The following PRKG1 variants were observed in gnomAD, a reference collection of about 807,000 sequenced individuals.
PRKG1 encodes protein kinase cGMP-dependent 1.
PRKG1 carries 35 observed loss-of-function variants against 88.1 expected under a neutral mutation model. The observed-to-expected ratio is 0.40, with a 90% CI of 0.30 to 0.53. The LOEUF (loss-of-function observed/expected upper bound fraction) is 0.53, where lower values mean the gene tolerates loss of function less well. Among genes scored for constraint, PRKG1 ranks in the 20% least tolerant of loss-of-function variants. The pLI, the probability that PRKG1 is intolerant of heterozygous loss-of-function variation, is 0.59. For synonymous variants in PRKG1, 303 were observed against 292.5 expected (o/e 1.04, Z -0.37); for missense variants, 540 against 839.8 (o/e 0.64, Z 4.41).
chr10:51,610,542 G>T (rs1838879613), intron 3 of PRKG1, among the ~76,000 whole-genome samples: 1 of 151,802 alleles, frequency 6.6e-6, no homozygotes, highest in Non-Finnish European at 1.5e-5. Flanking sequence ...TTCATTTGTT[G>T]ATAGACACTT....
chr10:51,995,190 T>G (rs897639253), intron 5 of PRKG1, among the ~76,000 whole-genome samples: 4 of 152,134 alleles, frequency 2.6e-5, no homozygotes, highest in African/African-American at 4.8e-5. Context: ...ACAAAGCATT[T>G]TAGCAACTTT....
rs191299481 is a variant in PRKG1 at position 51,996,866 on chromosome 10, A to C, written c.763-57618A>C. Among the ~76,000 whole-genome samples the C allele has an allele frequency of 3.1e-3, 474 of 152,338 alleles. 5 individuals carry two copies. The highest frequency in any genetic ancestry group is 0.011 in the African/African-American group (452 of 41,588). On this transcript the variant is annotated intron_variant, in intron 5 of 17. Transcript: ENST00000373980. ...CATTGTGGCATAATTCATAATAGCC[A>C]AGATATAGAATCAACCTGAATGTTC...
chr10:51,731,877 T>C (rs1052089366), intron 3 of PRKG1, among the ~76,000 whole-genome samples: 1 of 150,380 alleles, frequency 6.6e-6, no homozygotes, highest in Admixed American at 6.6e-5. Flanking sequence ...GATTGGTTTC[T>C]TCTGAGGCCT....
At chr10:51,480,239 T>C (rs1368930129) in intron 3 of PRKG1, among the ~76,000 whole-genome samples, 2 of 152,108 alleles carry the variant, frequency 1.3e-5, no homozygotes, top group Admixed American at 1.3e-4. Flanking sequence ...CCAGGAAAGT[T>C]TTCAAATTTT....
intron 2 of PRKG1, among the ~76,000 whole-genome samples, chr10:51,186,714 T>C (rs74133517): frequency 0.053 from 7,995 of 151,674 alleles, 395 homozygotes; most frequent in African/African-American, 0.13. Flanking sequence ...CTACGGTCAA[T>C]TATATTATTT....
At chr10:52,223,878 C>T (rs1840314256) in intron 9 of PRKG1, among the ~76,000 whole-genome samples, 1 of 152,120 alleles carries the variant, frequency 6.6e-6, no homozygotes, top group Non-Finnish European at 1.5e-5. Context: ...CAGCAAATCA[C>T]ATTAATTCTA....
At chr10:52,180,794 C>T (rs1013913071) in intron 9 of PRKG1, among the ~76,000 whole-genome samples, 8 of 152,054 alleles carry the variant, frequency 5.3e-5, no homozygotes, top group Non-Finnish European at 8.8e-5. Flanking sequence ...ATTTGAGGTC[C>T]GGCTCACAGG....
At chr10:51,060,830 A>G (rs1843683686) in intron 1 of PRKG1, among the ~76,000 whole-genome samples, 1 of 152,122 alleles carries the variant, frequency 6.6e-6, no homozygotes, top group South Asian at 2.1e-4. Flanking sequence ...CTGAAAGTAT[A>G]CCTATTTACC....
chr10:52,177,221 G>T (rs1838890149), intron 9 of PRKG1, among the ~76,000 whole-genome samples: 2 of 151,994 alleles, frequency 1.3e-5, no homozygotes, highest in Non-Finnish European at 2.9e-5. Flanking sequence ...ATTATGAAGG[G>T]ATGTTGAATT....
chr10:52,104,795 G>A (rs573084727), intron 7 of PRKG1, among the ~76,000 whole-genome samples: 131 of 152,112 alleles, frequency 8.6e-4, no homozygotes, highest in Admixed American at 2.8e-3. Context: ...TCAGTGGCAC[G>A]TAACCTGATA....
chr10:51,698,899 A>C (rs764007054), intron 3 of PRKG1: 19 of 1,611,922 alleles, frequency 1.2e-5, no homozygotes, highest in South Asian at 7.7e-5. Flanking sequence ...GCCCAGGGCC[A>C]GGGCCAGGGC....
At chr10:51,831,786 C>A (rs1051435806) in intron 4 of PRKG1, among the ~76,000 whole-genome samples, 36 of 152,052 alleles carry the variant, frequency 2.4e-4, no homozygotes, top group African/African-American at 8.7e-4. Context: ...CATGCTTCTT[C>A]CATATACATT....
chr10:52,058,783 A>G (rs1846169067), intron 6 of PRKG1, among the ~76,000 whole-genome samples: 1 of 152,018 alleles, frequency 6.6e-6, no homozygotes, highest in Non-Finnish European at 1.5e-5. Context: ...AGCACAATCC[A>G]TAAAGAAAAA....
intron 1 of PRKG1, among the ~76,000 whole-genome samples, chr10:51,050,731 C>A (rs771469580): frequency 6.6e-6 from 1 of 152,014 alleles, no homozygotes; most frequent in African/African-American, 2.4e-5. Flanking sequence ...TTTTGAGGAA[C>A]TTCTAAACTG....
chr10:52,159,775 A>T (rs1910538), intron 8 of PRKG1, among the ~76,000 whole-genome samples: 9,259 of 151,330 alleles, frequency 0.061, 778 homozygotes, highest in African/African-American at 0.19. Context: ...GGATTTTTTT[A>T]AAAAAAACTA....
chr10:51,278,840 C>T (rs894775289), intron 2 of PRKG1, among the ~76,000 whole-genome samples: 4 of 151,998 alleles, frequency 2.6e-5, no homozygotes, highest in African/African-American at 9.7e-5. Flanking sequence ...TGATTCTTCT[C>T]TCTTTTCTTC....
intron 5 of PRKG1, among the ~76,000 whole-genome samples, chr10:52,040,364 C>G (rs148726712): frequency 6.6e-6 from 1 of 152,236 alleles, no homozygotes; most frequent in South Asian, 2.1e-4. Context: ...CATAATCTGT[C>G]GGGGCAAACT....
At chr10:51,350,993 C>A (rs994051602) in intron 2 of PRKG1, among the ~76,000 whole-genome samples, 3 of 152,120 alleles carry the variant, frequency 2.0e-5, no homozygotes, top group Non-Finnish European at 4.4e-5. Context: ...TCAACTCCTA[C>A]TTATGAGTGA....
chr10:51,044,264 C>T (rs1843460561), intron 1 of PRKG1, among the ~76,000 whole-genome samples: 1 of 152,120 alleles, frequency 6.6e-6, no homozygotes, highest in Non-Finnish European at 1.5e-5. Context: ...GGTAGATGAG[C>T]CTAAACTGGG....
Sources: gnomAD v4.1 joint callset for allele counts (sites outside exome capture counted in the v4.1 genomes callset) on GRCh38, gnomAD v4.1.1 for gene constraint, MANE v1.5 for transcripts, NCBI Gene and HGNC (gene_info 2026-07-23, HGNC 2026-07-21) for gene names.